THSD4: variants seen among roughly 807,000 people sequenced by gnomAD.
THSD4 encodes thrombospondin type-1 domain-containing protein 4.
Under a neutral mutation model 119.0 loss-of-function variants are expected in THSD4, and 69 were observed. That is an observed-to-expected ratio of 0.58 (90% CI 0.48 to 0.71). The LOEUF is 0.71. Ranked by LOEUF, THSD4 falls within the 30% of genes least tolerant of loss-of-function variation. The pLI is 0.00. For synonymous variants in THSD4, 524 were observed against 540.4 expected (o/e 0.97, Z 0.42); for missense variants, 1,393 against 1,391.1 (o/e 1.00, Z -0.02).
At position 71,748,521 on chromosome 15, in the gene THSD4, G is replaced by A. The variant is rs375916575; in HGVS notation, c.2342G>A (p.Arg781Gln). 6.4e-5 allele frequency: 103 copies of A among 1,614,182 alleles called. No homozygotes were observed. The highest frequency in any genetic ancestry group is 2.9e-4 in the African/African-American group (22 of 75,052). Residue 781 changes from arginine to glutamine, a missense_variant, in exon 14 of 18, where the codon CGG (arginine) becomes CAG (glutamine). Transcript: ENST00000261862. ...VDDEECNMKLRPNDIENCDMG... is the reference protein window; with the variant it reads ...VDDEECNMKLQPNDIENCDMG... ...GATGAGGAATGCAACATGAAGCTCCGGCCGAATGACATTGAGAACTGCGAC... is the reference window on the plus strand; with the variant it reads ...GATGAGGAATGCAACATGAAGCTCCAGCCGAATGACATTGAGAACTGCGAC...
intron 8 of THSD4, among the ~76,000 whole-genome samples, chr15:71,701,442 C>G (rs998114956): frequency 6.6e-6 from 1 of 151,928 alleles, no homozygotes; most frequent in African/African-American, 2.4e-5. Flanking sequence ...GTAAGCAAAC[C>G]CTTGATTTAG....
At chr15:71,475,703 G>A (rs1005820188) in intron 7 of THSD4, among the ~76,000 whole-genome samples, 5 of 152,138 alleles carry the variant, frequency 3.3e-5, no homozygotes, top group Non-Finnish European at 7.4e-5. Flanking sequence ...CGGGAAGTTT[G>A]TCTGAGGCCA....
chr15:71,119,356 C>T (rs2040389769), intron 1 of THSD4, among the ~76,000 whole-genome samples: 1 of 152,160 alleles, frequency 6.6e-6, no homozygotes, highest in Non-Finnish European at 1.5e-5. Context: ...TTACCTCAGG[C>T]GATTCTTCCG....
chr15:71,116,329 A>G (rs980507784), intron 1 of THSD4, among the ~76,000 whole-genome samples: 10 of 152,374 alleles, frequency 6.6e-5, no homozygotes, highest in African/African-American at 2.2e-4. Flanking sequence ...CACTTACAGA[A>G]GTAGCTTTTG....
At chr15:71,248,735 C>T (rs190963224) in intron 5 of THSD4, among the ~76,000 whole-genome samples, 36 of 149,550 alleles carry the variant, frequency 2.4e-4, no homozygotes, top group Non-Finnish European at 5.2e-4. Context: ...AGATGTTGGC[C>T]GAATCTCAAA....
chr15:71,522,476 G>T (rs2048456901), intron 7 of THSD4, among the ~76,000 whole-genome samples: 6 of 152,096 alleles, frequency 3.9e-5, no homozygotes, highest in Admixed American at 3.9e-4. Context: ...GATGAGGGAG[G>T]TCCAGGACAA....
At chr15:71,546,739 C>T (rs1310290773) in intron 7 of THSD4, among the ~76,000 whole-genome samples, 1 of 152,250 alleles carries the variant, frequency 6.6e-6, no homozygotes, top group Non-Finnish European at 1.5e-5. Flanking sequence ...ACACACATCA[C>T]CCTTGTGACT....
chr15:71,645,258 C>T (rs1033424287), intron 7 of THSD4, among the ~76,000 whole-genome samples: 2 of 152,172 alleles, frequency 1.3e-5, no homozygotes, highest in Non-Finnish European at 2.9e-5. Flanking sequence ...GCTTAATTGA[C>T]TCACAATTCC....
intron 4 of THSD4, among the ~76,000 whole-genome samples, chr15:71,241,177 A>G (rs1282448811): frequency 6.6e-6 from 1 of 152,178 alleles, no homozygotes; most frequent in Non-Finnish European, 1.5e-5. Context: ...CACATTTCCA[A>G]TTTTACGTAA....
intron 3 of THSD4, among the ~76,000 whole-genome samples, chr15:71,181,719 CTCTCTCCTGTGG>C: frequency 6.6e-6 from 1 of 152,236 alleles, no homozygotes; most frequent in Admixed American, 6.5e-5. Flanking sequence ...TATCTACCAA[CTCTCTCCTGTGG>C]AGGAGTCTTG....
At chr15:71,726,872 G>T (rs943041541) in intron 8 of THSD4, among the ~76,000 whole-genome samples, 5 of 152,012 alleles carry the variant, frequency 3.3e-5, no homozygotes, top group Non-Finnish European at 7.4e-5. Context: ...AGGGGGCAGA[G>T]GTTGCAGTGA....
Position 71,562,698 on chromosome 15 carries a change from C to CTTTTTTTTTTTTT in THSD4, c.1153-97830_1153-97818dup, listed in dbSNP as rs34555744. Among the ~76,000 whole-genome samples, 2 of 125,276 alleles carry CTTTTTTTTTTTTT rather than the reference C, an allele frequency of 1.6e-5. 1 individual carries two copies. 82.2% of individuals were successfully genotyped at this position (125,276 alleles called of 152,430 possible). A position where few individuals can be genotyped will look rare whatever the true frequency, so the allele number is the denominator to read the frequency against. On this transcript the variant is annotated intron_variant, in intron 7 of 17. Coordinates refer to ENST00000261862, the MANE Select transcript of THSD4 (RefSeq NM_024817.3). ...ACACCTAAGCCTACCACCTTTGGTC[C>CTTTTTTTTTTTTT]TTTTTTTTTTTTTTCTTTTCTGAAA...
At chr15:71,425,342 TAGAA>T (rs1465235617) in intron 7 of THSD4, among the ~76,000 whole-genome samples, 1 of 152,232 alleles carries the variant, frequency 6.6e-6, no homozygotes, top group Non-Finnish European at 1.5e-5. Context: ...TTAATCAGAA[TAGAA>T]AGAGTTGTTT....
chr15:71,706,110 A>G (rs2141081322), intron 8 of THSD4, among the ~76,000 whole-genome samples: 1 of 152,238 alleles, frequency 6.6e-6, no homozygotes, highest in East Asian at 1.9e-4. Context: ...TTTGAAATGG[A>G]GCTTTTTTCT....
chr15:71,506,856 C>T (rs1215802272), intron 7 of THSD4, among the ~76,000 whole-genome samples: 3 of 152,190 alleles, frequency 2.0e-5, no homozygotes, highest in African/African-American at 4.8e-5. Context: ...TGTGTTACAA[C>T]GTTGCTTAGT....
At position 71,748,581 on chromosome 15, in the gene THSD4, A is replaced by G; in HGVS notation, c.2402A>G (p.Glu801Gly). 3 of 1,614,122 alleles carry G rather than the reference A, an allele frequency of 1.9e-6. No homozygotes were observed. The South Asian group carries it at 3.3e-5, about 18-fold the overall frequency. Residue 801 changes from glutamate (E) to glycine (G), a missense_variant, in exon 14 of 18, where the codon GAG (glutamate) becomes GGG (glycine). Coordinates refer to ENST00000261862, the MANE Select transcript of THSD4 (RefSeq NM_024817.3). The stretch of plus-strand genomic sequence containing the variant: ...TGTGCCAAGAGCTGGTTCCTCACCG[A>G]GTGGAGCGAAAGGGTGAGTGTGATG... ...GPCAKSWFLT[E>G]WSERCSAECG...
intron 3 of THSD4, among the ~76,000 whole-genome samples, chr15:71,180,288 C>G (rs1321971043): frequency 1.3e-5 from 2 of 151,606 alleles, no homozygotes; most frequent in Admixed American, 6.6e-5. Flanking sequence ...AGAGAACTTA[C>G]AAAATTCAAC....
intron 7 of THSD4, among the ~76,000 whole-genome samples, chr15:71,530,092 C>G (rs927855664): frequency 1.8e-4 from 28 of 152,254 alleles, no homozygotes; most frequent in African/African-American, 6.3e-4. Context: ...GTAGTTGCAG[C>G]CTTCAAAACT....
chr15:71,131,670 T>C (rs12904863), intron 1 of THSD4, among the ~76,000 whole-genome samples: 15,784 of 152,174 alleles, frequency 0.1, 1,145 homozygotes, highest in East Asian at 0.43. Flanking sequence ...CACTGGCTAG[T>C]TTTTCACCAG....
Sources: gnomAD v4.1 joint callset for allele counts (sites outside exome capture counted in the v4.1 genomes callset) on GRCh38, gnomAD v4.1.1 for gene constraint, MANE v1.5 for transcripts, NCBI Gene and HGNC (gene_info 2026-07-23, HGNC 2026-07-21) for gene names.